The following MCM6 variants were observed in gnomAD, a reference collection of about 807,000 sequenced individuals.
MCM6 encodes minichromosome maintenance complex component 6.
A neutral mutation model predicts 94.3 loss-of-function variants in MCM6; 46 were observed. That is an observed-to-expected ratio of 0.49 (90% CI 0.39 to 0.62). MCM6 has a LOEUF of 0.62. MCM6 is among the 20% of genes least tolerant of loss of function. The probability of loss-of-function intolerance (pLI) is 0.00; values close to 1 mark genes in which losing one functional copy is unlikely to be tolerated. For synonymous variants in MCM6, 335 were observed against 351.9 expected, an observed-to-expected ratio of 0.95 and a Z score of 0.54; for missense variants, 865 against 1,017.9, an observed-to-expected ratio of 0.85 and a Z score of 2.04.
intron 1 of MCM6, among the ~76,000 whole-genome samples, chr2:135,875,744 A>C (rs1680283690): frequency 6.6e-6 from 1 of 152,226 alleles, no homozygotes; most frequent in Non-Finnish European, 1.5e-5. Context: ...TCCGCCCCCC[A>C]GCAGCTTTCA....
At chr2:135,870,926 T>G (rs1680188116) in intron 2 of MCM6, among the ~76,000 whole-genome samples, 1 of 151,652 alleles carries the variant, frequency 6.6e-6, no homozygotes, top group Admixed American at 6.6e-5. Context: ...TTTTGTGGGG[T>G]TTTTTTTGTA....
chr2:135,846,672 C>G (rs1679676935), intron 14 of MCM6, among the ~76,000 whole-genome samples: 1 of 151,696 alleles, frequency 6.6e-6, no homozygotes, highest in African/African-American at 2.4e-5. Flanking sequence ...AGCATACATT[C>G]CCACATGATC....
chr2:135,840,844 G>C lies in MCM6; in HGVS notation c.2457C>G (p.Leu819=). The change falls in exon 17 of 17, where the codon CTC becomes CTG. Residue 819 remains leucine (L), a synonymous_variant. Coordinates refer to ENST00000264156, the MANE Select transcript of MCM6 (RefSeq NM_005915.6). ...PYLVVNPNYL[L]ED ...AGTTACTTTCACTATCTCAATCTTC[G>C]AGCAAGTAGTTAGGGTTAACTACCA... is the stretch of plus-strand genomic sequence containing the variant. 6.2e-7 allele frequency: 1 copy of C among 1,609,518 alleles called. No individual in the cohort carries two copies. The highest frequency in any genetic ancestry group is 8.5e-7 in the Non-Finnish European group (1 of 1,175,840).
At chr2:135,876,189 C>G in intron 1 of MCM6, 70 bp downstream of exon 1, 1 of 1,257,218 alleles carries the variant, frequency 8.0e-7, no homozygotes, top group Admixed American at 3.4e-5. Context: ...CCGCCGCCCA[C>G]ACGGCACCGC....
At chr2:135,876,077 A>T (rs1170092607) in intron 1 of MCM6, among the ~76,000 whole-genome samples, 182 bp downstream of exon 1, 3 of 152,206 alleles carry the variant, frequency 2.0e-5, no homozygotes, top group African/African-American at 7.2e-5. Context: ...AGAAAAACCC[A>T]GCCTGTCCCA....
intron 1 of MCM6, 52 bp downstream of exon 1, chr2:135,876,207 A>G: frequency 6.9e-7 from 1 of 1,447,106 alleles, no homozygotes. Flanking sequence ...CGCCTGGCCC[A>G]GACGCCGCAG....
intron 3 of MCM6, among the ~76,000 whole-genome samples, chr2:135,869,973 T>C (rs1680172155): frequency 6.6e-6 from 1 of 152,232 alleles, no homozygotes; most frequent in Admixed American, 6.5e-5. Flanking sequence ...ACAGCATCAA[T>C]TTTATAAGTA....
chr2:135,868,905 C>A, intron 3 of MCM6, 45 bp from the exon 4 acceptor site: 1 of 1,576,222 alleles, frequency 6.3e-7, no homozygotes, highest in Non-Finnish European at 8.7e-7. Context: ...CATCTCTTAA[C>A]TAAGAATCTT....
intron 2 of MCM6, among the ~76,000 whole-genome samples, chr2:135,872,418 G>A (rs1425533842): frequency 1.3e-5 from 2 of 151,978 alleles, no homozygotes; most frequent in African/African-American, 2.4e-5. Context: ...ACTGCATTTC[G>A]GCCTAGGTGT....
At chr2:135,853,512 T>C (rs1398172513) in intron 11 of MCM6, among the ~76,000 whole-genome samples, 1 of 152,174 alleles carries the variant, frequency 6.6e-6, no homozygotes, top group Non-Finnish European at 1.5e-5. Flanking sequence ...CACTGTTCTC[T>C]TAGGCAGGTC....
Position 135,839,912 on chromosome 2 carries a change from G to A in MCM6, c.*923C>T, listed in dbSNP as rs564591152. 2.0e-5 allele frequency: 3 copies of A among 152,224 alleles called. No homozygotes were observed. The South Asian group carries it at 6.2e-4, about 32-fold the overall frequency. The allele number at this position is 152,224 out of a possible 1,614,324, so 9.4% of individuals were successfully genotyped here. A position where few individuals can be genotyped will look rare whatever the true frequency, so the allele number is the denominator to read the frequency against. ...GGCCTTAGCCTCAGACAGTTATTTT[G>A]CTTTTGTGACCTTTAACATACTTTG... On this transcript the variant is annotated 3_prime_UTR_variant, in exon 17 of 17. Transcript: ENST00000264156.
chr2:135,855,721 T>C (rs1679860938), intron 11 of MCM6, among the ~76,000 whole-genome samples: 1 of 152,152 alleles, frequency 6.6e-6, no homozygotes, highest in Non-Finnish European at 1.5e-5. Flanking sequence ...GCTACTTTTA[T>C]TTAGATAATA....
At chr2:135,866,315 T>A (rs377170402) in intron 5 of MCM6, 38 bp from the exon 6 acceptor site, 37 of 1,610,290 alleles carry the variant, frequency 2.3e-5, no homozygotes, top group African/African-American at 4.0e-5. Context: ...AACTTAAATA[T>A]TAAAGGTGCT....
chr2:135,851,575 C>T lies in MCM6; in HGVS notation c.1756-12G>A. ...GACTCTTTGGAAATCTGTTTCAGAT[C>T]ATCACTCAAGTTAGAGAAACATTTC... is the stretch of plus-strand genomic sequence containing the variant. On this transcript the variant is annotated splice_polypyrimidine_tract_variant and intron_variant, in intron 12 of 16. Transcript: ENST00000264156. 6.3e-7 allele frequency: 1 copy of T among 1,583,424 alleles called. No homozygotes were observed.
intron 11 of MCM6, among the ~76,000 whole-genome samples, chr2:135,856,301 C>T (rs1006414758): frequency 2.0e-5 from 3 of 151,866 alleles, no homozygotes; most frequent in South Asian, 2.1e-4. Flanking sequence ...AAATTAGCCA[C>T]GCATGGTGTT....
chr2:135,870,753 T>C (rs776990297), intron 2 of MCM6, among the ~76,000 whole-genome samples: 2 of 152,196 alleles, frequency 1.3e-5, no homozygotes, highest in Admixed American at 6.5e-5. Context: ...TCAATTTCTT[T>C]GGTTTCATTC....
intron 1 of MCM6, 87 bp downstream of exon 1, chr2:135,876,171 CG>C (rs1170522111): frequency 9.4e-7 from 1 of 1,068,290 alleles, no homozygotes; most frequent in East Asian, 3.0e-5. Context: ...CCCCAGGTTC[CG>C]GAACACCCGC....
At chr2:135,871,700 TA>T (rs151156940) in intron 2 of MCM6, among the ~76,000 whole-genome samples, 2,258 of 152,340 alleles carry the variant, frequency 0.015, 56 homozygotes, top group African/African-American at 0.052. Context: ...CAATTGGAGC[TA>T]TTAGTATGAG....
chr2:135,845,775 G>A (rs570721836), intron 15 of MCM6, among the ~76,000 whole-genome samples: 26 of 152,234 alleles, frequency 1.7e-4, no homozygotes, highest in Non-Finnish European at 3.2e-4. Context: ...GTGTCCAGAC[G>A]CCACACTTTA....
Sources: gnomAD v4.1 joint callset for allele counts (sites outside exome capture counted in the v4.1 genomes callset) on GRCh38, gnomAD v4.1.1 for gene constraint, MANE v1.5 for transcripts, NCBI Gene and HGNC (gene_info 2026-07-23, HGNC 2026-07-21) for gene names.